The following RNASET2 variants were observed in gnomAD, a reference collection of about 807,000 sequenced individuals.
The protein encoded by RNASET2 is ribonuclease T2, also known as ribonuclease 6.
A neutral mutation model predicts 33.9 loss-of-function variants in RNASET2; 28 were observed. The observed-to-expected ratio is 0.83, with a 90% CI of 0.61 to 1.13. The LOEUF is 1.13. Among genes scored for constraint, RNASET2 ranks in the 50% most tolerant of loss-of-function variants. The pLI, the probability that RNASET2 is intolerant of heterozygous loss-of-function variation, is 0.00. For missense variants in RNASET2, 330 were observed against 319.9 expected (o/e 1.03, Z -0.24); for synonymous variants, 123 against 121.0 (o/e 1.02, Z -0.11).
chr6:166,933,510 A>G lies in RNASET2; in HGVS notation c.492+581T>C, dbSNP rs1265880494. On this transcript the variant is annotated intron_variant, in intron 7 of 8. Coordinates refer to ENST00000508775, the MANE Select transcript of RNASET2 (RefSeq NM_003730.6). This position sits in a 1 kb window ranked among gnomAD's most constrained non-coding sequence, Gnocchi z 4.1. ...ATAGCTGAGACCACAGACACATACT[A>G]TCATGCTCAGCTACTTTTACTTCTT... is the stretch of plus-strand genomic sequence containing the variant. 1 of 159,144 alleles carries G rather than the reference A, an allele frequency of 6.3e-6. No homozygotes were observed. The highest frequency in any genetic ancestry group is 1.8e-4 in the East Asian group (1 of 5,432). 9.9% of individuals were successfully genotyped at this position (159,144 alleles called of 1,614,324 possible).
chr6:166,947,380 C>T (rs1335337863), intron 3 of RNASET2, among the ~76,000 whole-genome samples: 1 of 152,228 alleles, frequency 6.6e-6, no homozygotes, highest in African/African-American at 2.4e-5. Context: ...AGGTCACTAA[C>T]TTCCTAAGAC....
intron 3 of RNASET2, 118 bp downstream of exon 3, chr6:166,948,452 T>C (rs1349170370): frequency 1.3e-6 from 1 of 753,218 alleles, no homozygotes; most frequent in Admixed American, 1.8e-5. Flanking sequence ...AAGAATCTAG[T>C]CTATTGGATA....
chr6:166,923,648 T>C lies in RNASET2; in HGVS notation c.*5940A>G, dbSNP rs1470420783. On this transcript the variant is annotated 3_prime_UTR_variant, in exon 9 of 9. Coordinates refer to ENST00000508775, the MANE Select transcript of RNASET2 (RefSeq NM_003730.6). ...AATAGAATTCTTATCAGAAAAAAAA[T>C]GACATAAAACTGCATTTCTCATCAT... is the stretch of plus-strand genomic sequence containing the variant. Among the ~76,000 whole-genome samples the C allele has an allele frequency of 1.3e-5, 2 of 151,526 alleles. No individual in the cohort carries two copies. The highest frequency in any genetic ancestry group is 4.2e-4 in the South Asian group (2 of 4,802).
chr6:166,930,569 GCA>G (rs201734696), intron 8 of RNASET2, among the ~76,000 whole-genome samples: 2,757 of 145,660 alleles, frequency 0.019, 93 homozygotes, highest in African/African-American at 0.066. Flanking sequence ...CAGAGAACAT[GCA>G]CACACATGCA....
At chr6:166,936,521 C>T (rs1463750800) in intron 6 of RNASET2, among the ~76,000 whole-genome samples, 13 of 152,164 alleles carry the variant, frequency 8.5e-5, no homozygotes, top group East Asian at 7.7e-4. Context: ...AGGAAACTTC[C>T]GCTCATGGCA....
chr6:166,955,283 CA>C (rs1779107360), intron 1 of RNASET2, among the ~76,000 whole-genome samples: 1 of 62,716 alleles, frequency 1.6e-5, no homozygotes, highest in Non-Finnish European at 2.7e-5. Flanking sequence ...GCACACACGA[CA>C]CACACGCACA....
intron 4 of RNASET2, chr6:166,943,702 G>A: frequency 2.1e-6 from 1 of 467,560 alleles, no homozygotes; most frequent in Non-Finnish European, 4.4e-6. Flanking sequence ...TAAAGTATCA[G>A]TATCAGTTCA....
intron 8 of RNASET2, 25 bp from the exon 9 acceptor site, chr6:166,929,816 T>C (rs771666701): frequency 2.5e-6 from 4 of 1,594,566 alleles, no homozygotes; most frequent in Non-Finnish European, 3.4e-6. Context: ...TGAAAGACGC[T>C]TTAGAATTCA....
chr6:166,942,683 C>T (rs528888755), intron 5 of RNASET2, among the ~76,000 whole-genome samples: 1 of 151,926 alleles, frequency 6.6e-6, no homozygotes, highest in East Asian at 1.9e-4. Flanking sequence ...CTCAAGCAAT[C>T]CACCCGCCTC....
chr6:166,932,816 T>G (rs963850456), intron 7 of RNASET2: 1 of 152,162 alleles, frequency 6.6e-6, no homozygotes, highest in Non-Finnish European at 1.5e-5. Flanking sequence ...TGGGCAAACA[T>G]GGCAGGCACA....
rs79003863 is a variant in RNASET2, at chr6:166,952,433, C to A, written c.147+55G>T. 7,641 of 1,502,180 alleles carry A rather than the reference C, an allele frequency of 5.1e-3. 308 individuals are homozygous for A. In the East Asian group the frequency reaches 0.1, roughly 21 times the overall value. 93.1% of individuals were successfully genotyped at this position (1,502,180 alleles called of 1,614,324 possible). On this transcript the variant is annotated intron_variant, in intron 2 of 8. Transcript: ENST00000508775. ...CCCTGGACGGGCACGTGCACACAAACCCCTCTTCACAGGGCTCCCCAGGCC... is the reference window on the plus strand; with the variant it reads ...CCCTGGACGGGCACGTGCACACAAAACCCTCTTCACAGGGCTCCCCAGGCC...
chr6:166,949,272 G>A (rs1202147824), intron 2 of RNASET2, among the ~76,000 whole-genome samples: 6 of 150,074 alleles, frequency 4.0e-5, no homozygotes, highest in Admixed American at 4.0e-4. Flanking sequence ...GGGAGGCGGA[G>A]GTGGGCAGAT....
At chr6:166,952,462 G>C in intron 2 of RNASET2, 26 bp downstream of exon 2, 1 of 1,609,572 alleles carries the variant, frequency 6.2e-7, no homozygotes, top group Non-Finnish European at 8.5e-7. Flanking sequence ...CCAGGCCCCA[G>C]GGCCCGTCAA....
rs1455224268 is a variant in RNASET2 at position 166,941,584 on chromosome 6, T to C, written c.332+1435A>G. On this transcript the variant is annotated intron_variant, in intron 5 of 8. Coordinates refer to ENST00000508775, the MANE Select transcript of RNASET2 (RefSeq NM_003730.6). Reference sequence around the variant, plus strand: ...CATTCACCACCCGAATTTTCAAGGGTGATTCAACGCACAGACTGAGGGTCC... The same window carrying C: ...CATTCACCACCCGAATTTTCAAGGGCGATTCAACGCACAGACTGAGGGTCC... Among the ~76,000 whole-genome samples, 62 of 152,172 alleles carry C rather than the reference T, an allele frequency of 4.1e-4. 1 individual carries two copies. The highest frequency in any genetic ancestry group is 3.9e-3 in the Admixed American group (60 of 15,272).
chr6:166,956,116 C>T lies in RNASET2; in HGVS notation c.67G>A (p.Gly23Ser). ...ACTCACCGCAGGCGCTTGTCCGCACCGCCCAGGCAAAGCAACGCCAGGCAG... is the reference window on the plus strand; with the variant it reads ...ACTCACCGCAGGCGCTTGTCCGCACTGCCCAGGCAAAGCAACGCCAGGCAG... ...CLCLALLCLG[G>S]ADKRLRDNHE... Residue 23 changes from glycine to serine, a missense_variant, in exon 1 of 9, where the codon GGT becomes AGT. Gly to Ser is a moderately conservative substitution (Grantham distance 56). Coordinates refer to ENST00000508775, the MANE Select transcript of RNASET2 (RefSeq NM_003730.6). 1 of 1,552,388 alleles carries T rather than the reference C, an allele frequency of 6.4e-7. No homozygotes were observed. The highest frequency in any genetic ancestry group is 8.7e-7 in the Non-Finnish European group (1 of 1,147,318).
chr6:166,944,371 C>T (rs1361994503), intron 4 of RNASET2, among the ~76,000 whole-genome samples: 4 of 152,048 alleles, frequency 2.6e-5, no homozygotes, highest in African/African-American at 9.7e-5. Context: ...TTTTCCAGCA[C>T]CCTATATGAG....
chr6:166,938,833 C>A, intron 6 of RNASET2, 62 bp downstream of exon 6: 1 of 1,204,466 alleles, frequency 8.3e-7, no homozygotes, highest in Admixed American at 1.7e-5. Flanking sequence ...ATCCAGCTGT[C>A]AGGCTTGGGC....
intron 1 of RNASET2, chr6:166,953,405 A>G (rs987135770): frequency 6.6e-6 from 1 of 152,274 alleles, no homozygotes; most frequent in Non-Finnish European, 1.5e-5. Flanking sequence ...AACACAGGAT[A>G]TAAGTCAAGC....
chr6:166,930,590 GCACATGCA>G (rs1778401162), intron 8 of RNASET2, among the ~76,000 whole-genome samples: 1 of 141,208 alleles, frequency 7.1e-6, no homozygotes, highest in Admixed American at 7.0e-5. Flanking sequence ...CACACACACA[GCACATGCA>G]CACATGCATG....
Sources: allele counts gnomAD v4.1 joint callset (sites outside exome capture counted in the v4.1 genomes callset), GRCh38; gene constraint gnomAD v4.1.1; non-coding constraint Gnocchi (gnomAD v3.1); transcripts MANE v1.5; gene names NCBI Gene and HGNC (gene_info 2026-07-23, HGNC 2026-07-21).